The following MPND variants were observed in gnomAD, a reference collection of about 807,000 sequenced individuals.
MPND encodes MPN domain-containing protein.
In MPND, 56 loss-of-function variants were observed where a neutral mutation model predicts 59.2. That is an observed-to-expected ratio of 0.95 (90% CI 0.76 to 1.18). MPND has a LOEUF of 1.18. Ranked by LOEUF, MPND falls within the 50% of genes most tolerant of loss-of-function variation. MPND has a pLI of 0.00. For missense variants in MPND, 671 were observed against 676.0 expected (o/e 0.99, Z 0.08); for synonymous variants, 323 against 291.9 (o/e 1.11, Z -1.09).
At chr19:4,344,735 C>CTTT (rs369442146) in intron 2 of MPND, among the ~76,000 whole-genome samples, 11 of 126,958 alleles carry the variant, frequency 8.7e-5, no homozygotes, top group African/African-American at 1.8e-4. Context: ...GGTATTAGTA[C>CTTT]TTTTTTTTTT....
At position 4,357,343 on chromosome 19, in the gene MPND, A is replaced by G. The variant is rs770747956; in HGVS notation, c.1087A>G (p.Ile363Val). The G allele has an allele frequency of 1.9e-6, 3 of 1,613,258 alleles. No individual in the cohort carries two copies. The highest frequency in any genetic ancestry group is 1.1e-5 in the South Asian group (1 of 91,066). The change falls in exon 9 of 13, where the codon ATC becomes GTC. Residue 363 changes from isoleucine (I) to valine (V), a missense_variant. Coordinates refer to ENST00000599840, the MANE Select transcript of MPND (RefSeq NM_001300862.2). Reference protein sequence around the residue: ...HSPALPSLQDIDAQMDYQLRL... With the variant: ...HSPALPSLQDVDAQMDYQLRL... ...CCCGGCGCTGCCATCTCTGCAGGAC[A>G]TCGACGCACAGATGGACTACCAGCT...
chr19:4,357,755 C>T (rs1972475652), intron 10 of MPND, 170 bp downstream of exon 10: 1 of 683,152 alleles, frequency 1.5e-6, no homozygotes, highest in Non-Finnish European at 2.5e-6. Flanking sequence ...TGGTGAGGTC[C>T]TGGGCGTGGG....
intron 2 of MPND, 91 bp downstream of exon 2, chr19:4,344,085 T>G: frequency 2.0e-6 from 2 of 985,842 alleles, no homozygotes; most frequent in Non-Finnish European, 2.6e-6. Flanking sequence ...CAAGCTTCAG[T>G]GTAGGGAGGG....
In MPND at chr19:4,355,171, G is replaced by T; in HGVS notation, c.994G>T (p.Glu332Ter). 1 of 1,612,846 alleles carries T rather than the reference G, an allele frequency of 6.2e-7. No individual in the cohort carries two copies. The highest frequency in any genetic ancestry group is 8.5e-7 in the Non-Finnish European group (1 of 1,179,972). ...DAETAAAIEE[E>*]IYQSLFLRGL... ...AGAGACTGCAGCTGCCATCGAAGAG[G>T]AGGTGAGGGGCTACCTGGGAGGTGG... The change falls in exon 8 of 13, where the codon GAG becomes TAG. Residue 332 changes from glutamate (E) to a stop codon, truncating the protein, a stop_gained and splice_region_variant. Transcript: ENST00000599840. LOFTEE classifies it high-confidence loss of function.
At chr19:4,353,188 G>A (rs1972360744) in intron 4 of MPND, among the ~76,000 whole-genome samples, 159 bp downstream of exon 4, 1 of 152,146 alleles carries the variant, frequency 6.6e-6, no homozygotes, top group African/African-American at 2.4e-5. Flanking sequence ...CGAGGCCTGG[G>A]CTGAAGACAG....
chr19:4,353,250 G>A (rs953712765), intron 4 of MPND, among the ~76,000 whole-genome samples: 6 of 151,978 alleles, frequency 3.9e-5, no homozygotes, highest in African/African-American at 1.4e-4. Context: ...TCAAATGCTG[G>A]ATTTTATTTT....
At chr19:4,344,232 T>C (rs981802162) in intron 2 of MPND, among the ~76,000 whole-genome samples, 3 of 148,864 alleles carry the variant, frequency 2.0e-5, no homozygotes, top group African/African-American at 7.5e-5. Context: ...CTCTCTTGGC[T>C]GCAGGAAGAG....
At chr19:4,352,839 A>T (rs868446952) in intron 3 of MPND, 58 bp from the exon 4 acceptor site, 2 of 1,228,632 alleles carry the variant, frequency 1.6e-6, no homozygotes, top group Non-Finnish European at 1.0e-6. Context: ...TTTAGCAGGG[A>T]GCGGGGGGGC....
At chr19:4,344,508 G>T (rs1443350644) in intron 2 of MPND, among the ~76,000 whole-genome samples, 2 of 152,150 alleles carry the variant, frequency 1.3e-5, no homozygotes, top group East Asian at 3.9e-4. Context: ...TGGTGGGGAG[G>T]ACGTAGATTA....
chr19:4,357,460 G>A (rs751990699), intron 9 of MPND, 39 bp downstream of exon 9: 6 of 1,609,572 alleles, frequency 3.7e-6, no homozygotes, highest in Non-Finnish European at 5.1e-6. Flanking sequence ...AAGGAGGGGG[G>A]ATGCTGGGCC....
intron 6 of MPND, 42 bp from the exon 7 acceptor site, chr19:4,354,907 C>A: frequency 6.5e-7 from 1 of 1,539,442 alleles, no homozygotes; most frequent in Non-Finnish European, 8.8e-7. Context: ...TGGGGCAGGG[C>A]CACAGCCTGA....
Position 4,354,048 on chromosome 19 carries a change from C to A in MPND, c.668C>A (p.Ala223Asp). 6.2e-7 allele frequency: 1 copy of A among 1,612,786 alleles called. No individual in the cohort carries two copies. The highest frequency in any genetic ancestry group is 8.5e-7 in the Non-Finnish European group (1 of 1,178,966). Reference sequence around the variant, plus strand: ...ACCCTGCCTTTTTCTCTCCCAGAGGCCACAACCCCAGGGAAGCGGGTGGAC... The same window carrying A: ...ACCCTGCCTTTTTCTCTCCCAGAGGACACAACCCCAGGGAAGCGGGTGGAC... ...KSPSEPAHPE[A>D]TTPGKRVDSK... is the part of the protein sequence containing the mutation. Residue 223 changes from alanine (A) to aspartate (D), a missense_variant, in exon 5 of 13, where the codon GCC becomes GAC. Transcript: ENST00000599840.
At chr19:4,351,295 G>T (rs1213469214) in intron 3 of MPND, among the ~76,000 whole-genome samples, 1 of 151,906 alleles carries the variant, frequency 6.6e-6, no homozygotes, top group South Asian at 2.1e-4. Context: ...GTAGAGATGG[G>T]GTTTCACCAT....
At chr19:4,349,109 C>T (rs1972255512) in intron 3 of MPND, 1 of 163,922 alleles carries the variant, frequency 6.1e-6, no homozygotes, top group Non-Finnish European at 1.4e-5. Context: ...GCTCTGTTGT[C>T]CAGGCTGGAG....
chr19:4,355,885 C>T (rs1000849681), intron 8 of MPND, among the ~76,000 whole-genome samples: 16 of 148,386 alleles, frequency 1.1e-4, no homozygotes, highest in African/African-American at 2.2e-4. Context: ...GAGACATTCT[C>T]GCTCTGTCGC....
In MPND at chr19:4,358,158, A is replaced by G. The variant is rs930912759; in HGVS notation, c.1312A>G (p.Ile438Val). ...YVQDSFLTND[I>V]LHEMMLLVEF... ...CCAGGACAGCTTCCTGACCAATGAC[A>G]TCCTTCACGAGATGGTGAGCTCGCT... is the stretch of plus-strand genomic sequence containing the variant. The change falls in exon 11 of 13, where the codon ATC becomes GTC. Residue 438 changes from isoleucine (I) to valine (V), a missense_variant. Ile to Val is a conservative substitution (Grantham distance 29). Transcript: ENST00000599840. The G allele has an allele frequency of 6.4e-7, 1 of 1,551,312 alleles. No individual in the cohort carries two copies. Among genetic ancestry groups the G allele is most frequent in the South Asian group, 1.2e-5 (1 of 84,058 alleles).
In MPND at chr19:4,359,800, T is replaced by C. The variant is rs1972539406; in HGVS notation, c.1420-116T>C. 3 of 770,258 alleles carry C rather than the reference T, an allele frequency of 3.9e-6. No individual in the cohort carries two copies. In the Admixed American group the frequency reaches 7.9e-5, roughly 20 times the overall value. 47.7% of individuals were successfully genotyped at this position (770,258 alleles called of 1,614,324 possible). A position where few individuals can be genotyped will look rare whatever the true frequency, so the allele number is the denominator to read the frequency against. ...AGGCTGTGCTGCGGGACCCCAGCCC[T>C]GTGCCTCGGTCTCAGGGGGGCTCAG... On this transcript the variant is annotated intron_variant, in intron 12 of 12. Coordinates refer to ENST00000599840, the MANE Select transcript of MPND (RefSeq NM_001300862.2).
At chr19:4,359,023 T>C (rs1188553108) in intron 11 of MPND, 140 bp from the exon 12 acceptor site, 2 of 600,860 alleles carry the variant, frequency 3.3e-6, no homozygotes, top group South Asian at 1.9e-5. Flanking sequence ...CTGGCTAAGG[T>C]CACTCGTGAT....
rs748222304 is a variant in MPND, at chr19:4,354,161, C to T, written c.749+32C>T. 1.4e-5 allele frequency: 22 copies of T among 1,594,036 alleles called. No homozygotes were observed. The South Asian group carries it at 1.9e-4, about 14-fold the overall frequency. On this transcript the variant is annotated intron_variant, in intron 5 of 12. Coordinates refer to ENST00000599840, the MANE Select transcript of MPND (RefSeq NM_001300862.2). ...CTCACCCCAAGTTCTGCCCCTGCCC[C>T]AGCTCACCTGGATCTCTTGCTGGTC...
Sources: gnomAD v4.1 joint callset for allele counts (sites outside exome capture counted in the v4.1 genomes callset) on GRCh38, gnomAD v4.1.1 for gene constraint, MANE v1.5 for transcripts, NCBI Gene and HGNC (gene_info 2026-07-23, HGNC 2026-07-21) for gene names.